ZFHX3: variants seen among roughly 807,000 people sequenced by gnomAD.
ZFHX3 encodes zinc finger homeobox 3.
Under a neutral mutation model 279.1 loss-of-function variants are expected in ZFHX3, and 42 were observed. The observed-to-expected ratio is 0.15, with a 90% confidence interval of 0.12 to 0.19. The LOEUF (loss-of-function observed/expected upper bound fraction) is 0.19. Ranked by LOEUF, ZFHX3 falls within the 10% of genes least tolerant of loss-of-function variation. The pLI is 1.00. For missense variants in ZFHX3, 4,981 were observed against 4,754.0 expected, an observed-to-expected ratio of 1.05 and a Z score of -1.40; for synonymous variants, 2,293 against 1,957.8, an observed-to-expected ratio of 1.17 and a Z score of -4.52.
chr16:72,882,999 T>C (rs993880182), intron 4 of ZFHX3, among the ~76,000 whole-genome samples: 1 of 132,388 alleles, frequency 7.6e-6, no homozygotes, highest in South Asian at 2.6e-4. Context: ...TGTGTGTGTG[T>C]GTGTGTGTGT....
chr16:73,606,090 G>C (rs546922192), intron 2 of ZFHX3, among the ~76,000 whole-genome samples: 1 of 149,992 alleles, frequency 6.7e-6, no homozygotes, highest in African/African-American at 2.5e-5. Context: ...GGCTGAGGTG[G>C]AGAACGGCGT....
chr16:73,577,974 T>C (rs1367613065), intron 2 of ZFHX3, among the ~76,000 whole-genome samples: 1 of 152,228 alleles, frequency 6.6e-6, no homozygotes, highest in Non-Finnish European at 1.5e-5. Context: ...ACTTTTCTAA[T>C]GTTGAGCTTG....
At chr16:73,547,678 T>TA (rs372039374) in intron 2 of ZFHX3, among the ~76,000 whole-genome samples, 1 of 152,150 alleles carries the variant, frequency 6.6e-6, no homozygotes, top group African/African-American at 2.4e-5. Context: ...ACACTAGGTC[T>TA]AAAATGCCTT....
chr16:73,348,082 A>G (rs1259928863), intron 3 of ZFHX3, among the ~76,000 whole-genome samples: 1 of 152,192 alleles, frequency 6.6e-6, no homozygotes, highest in Admixed American at 6.5e-5. Flanking sequence ...TCTCACTATA[A>G]ACAAGGCCTC....
At chr16:73,616,837 C>T (rs941580398) in intron 2 of ZFHX3, among the ~76,000 whole-genome samples, 8 of 152,188 alleles carry the variant, frequency 5.3e-5, no homozygotes, top group Admixed American at 2.0e-4. Flanking sequence ...ACGTACATTC[C>T]TCCTTCTAAA....
At chr16:72,850,213 AGTCACACCTACT>A (rs2143833063) in intron 4 of ZFHX3, among the ~76,000 whole-genome samples, 1 of 152,306 alleles carries the variant, frequency 6.6e-6, no homozygotes, top group East Asian at 1.9e-4. Flanking sequence ...CCCAAGCCAC[AGTCACACCTACT>A]GTCACACCTA....
intron 2 of ZFHX3, among the ~76,000 whole-genome samples, chr16:73,560,625 G>A (rs999466129): frequency 6.6e-6 from 1 of 152,208 alleles, no homozygotes; most frequent in Non-Finnish European, 1.5e-5. Context: ...TCCCAGGTGC[G>A]AAGGGAGTGG....
At chr16:73,021,636 GCCT>G (rs1964301129) in intron 1 of ZFHX3, among the ~76,000 whole-genome samples, 2 of 151,614 alleles carry the variant, frequency 1.3e-5, no homozygotes, top group Non-Finnish European at 2.9e-5. Context: ...TTTGAGACCA[GCCT>G]GGCCAACATA....
chr16:72,965,230 A>C (rs1961778386), intron 1 of ZFHX3, among the ~76,000 whole-genome samples: 1 of 152,210 alleles, frequency 6.6e-6, no homozygotes, highest in Non-Finnish European at 1.5e-5. Flanking sequence ...ACATCCCTAC[A>C]TCTCACATTC....
intron 2 of ZFHX3, among the ~76,000 whole-genome samples, chr16:73,461,029 G>A (rs2018462449): frequency 6.6e-6 from 1 of 152,162 alleles, no homozygotes; most frequent in Admixed American, 6.5e-5. Flanking sequence ...TTACAGCAAT[G>A]CAAGAACAAA....
chr16:73,773,279 C>G (rs914381881), intron 1 of ZFHX3, among the ~76,000 whole-genome samples: 25 of 152,356 alleles, frequency 1.6e-4, no homozygotes, highest in African/African-American at 6.0e-4. Flanking sequence ...CCACCCCAGG[C>G]AGCTGTGTCC....
chr16:73,673,355 T>A (rs893261647), intron 2 of ZFHX3, among the ~76,000 whole-genome samples: 2 of 152,184 alleles, frequency 1.3e-5, no homozygotes, highest in African/African-American at 4.8e-5. Context: ...ATAGTTTGTT[T>A]CATATGTATG....
intron 8 of ZFHX3, among the ~76,000 whole-genome samples, chr16:73,084,829 A>T (rs1216875409): frequency 6.6e-6 from 1 of 152,146 alleles, no homozygotes; most frequent in African/African-American, 2.4e-5. Context: ...CATACCTAGA[A>T]ATAAATTTAA....
intron 1 of ZFHX3, among the ~76,000 whole-genome samples, chr16:73,026,383 A>T (rs1567639278): frequency 1.3e-5 from 2 of 150,810 alleles, no homozygotes; most frequent in Non-Finnish European, 2.9e-5. Flanking sequence ...AAAAACAAAA[A>T]CAGAAAGGCC....
At chr16:73,848,973 TTTC>T (rs1176650815) in intron 1 of ZFHX3, among the ~76,000 whole-genome samples, 1 of 152,214 alleles carries the variant, frequency 6.6e-6, no homozygotes, top group African/African-American at 2.4e-5. Flanking sequence ...GGCTAAACAT[TTTC>T]TTCGACTGTT....
Position 73,166,489 on chromosome 16 carries a change from CCA to C in ZFHX3, c.-1103-22660_-1103-22659del, listed in dbSNP as rs145327686. Among the ~76,000 whole-genome samples, 591 of 152,170 alleles carry C rather than the reference CCA, an allele frequency of 3.9e-3. 2 individuals are homozygous for C. The highest frequency in any genetic ancestry group is 0.014 in the African/African-American group (572 of 41,516). ...TTAAGGAAGTTATGGCTAGACGAAG[CCA>C]CCAAGAGAGCAGTCAACTCAGCTCA... is the stretch of plus-strand genomic sequence containing the variant. On this transcript the variant is annotated intron_variant, in intron 5 of 17. Transcript: ENST00000641206.
At chr16:73,448,684 ACGTGTGTGTGTG>A (rs952143594) in intron 3 of ZFHX3, among the ~76,000 whole-genome samples, 31 of 66,798 alleles carry the variant, frequency 4.6e-4, no homozygotes, top group African/African-American at 1.2e-3. Context: ...ATATTTATAT[ACGTGTGTGTGTG>A]TGTGTGTGTG....
intron 3 of ZFHX3, among the ~76,000 whole-genome samples, chr16:73,362,674 G>A (rs1471320228): frequency 6.6e-6 from 1 of 152,216 alleles, no homozygotes; most frequent in Non-Finnish European, 1.5e-5. Flanking sequence ...GGGCAAACAG[G>A]GCACCTGCCC....
chr16:72,820,964 T>C (rs1279302259), intron 5 of ZFHX3, among the ~76,000 whole-genome samples: 3 of 152,204 alleles, frequency 2.0e-5, no homozygotes, highest in Non-Finnish European at 4.4e-5. Flanking sequence ...TTAGGGTCTT[T>C]GAGCCCCAAC....
Sources: gnomAD v4.1 joint callset for allele counts (sites outside exome capture counted in the v4.1 genomes callset) on GRCh38, gnomAD v4.1.1 for gene constraint, MANE v1.5 for transcripts, NCBI Gene and HGNC (gene_info 2026-07-23, HGNC 2026-07-21) for gene names.